The following KLRG2 variants were observed in gnomAD, a reference collection of about 807,000 sequenced individuals.
The protein encoded by KLRG2 is killer cell lectin like receptor G2.
In KLRG2, 39 loss-of-function variants were observed where a neutral mutation model predicts 35.4. That is an observed-to-expected ratio of 1.10 (90% CI 0.85 to 1.44). KLRG2 has a LOEUF of 1.44. KLRG2 is among the 40% of genes most tolerant of loss of function. KLRG2 has a pLI of 0.00. For synonymous variants in KLRG2, 283 were observed against 265.8 expected (o/e 1.06, Z -0.63); for missense variants, 632 against 570.9 (o/e 1.11, Z -1.09).
At position 139,468,938 on chromosome 7, in the gene KLRG2, G is replaced by A. The variant is rs547473800; in HGVS notation, c.1005+10689C>T. On this transcript the variant is annotated intron_variant, in intron 3 of 4. Transcript: ENST00000340940. ...CAAGAGGAGTAAATTTAGACATGCC[G>A]AGAGACACTAGAGATGGGAGGGCAC... Among the ~76,000 whole-genome samples, 19 of 152,234 alleles carry A rather than the reference G, an allele frequency of 1.2e-4. 1 individual carries two copies. The South Asian group carries it at 3.5e-3, about 28-fold the overall frequency.
At chr7:139,458,252 C>T (rs780769016) in intron 3 of KLRG2, among the ~76,000 whole-genome samples, 1 of 151,936 alleles carries the variant, frequency 6.6e-6, no homozygotes, top group East Asian at 1.9e-4. Flanking sequence ...GTGGCACGCT[C>T]CTGTACTCCC....
the KLRG2 span, among the ~76,000 whole-genome samples, chr7:139,445,781 G>GTGTGTATATATATATATATA: frequency 1.1e-3 from 109 of 98,476 alleles, 18 homozygotes; most frequent in African/African-American, 8.0e-3. Flanking sequence ...ATATATATAT[G>GTGTGTATATATATATATATA]TATATATATA....
downstream of KLRG2, among the ~76,000 whole-genome samples, chr7:139,450,199 C>T (rs531447495): frequency 6.1e-4 from 92 of 151,874 alleles, no homozygotes; most frequent in African/African-American, 2.0e-3. Flanking sequence ...CCCACCACCA[C>T]GCCTGGCTAA....
At chr7:139,433,748 G>T in the KLRG2 span, among the ~76,000 whole-genome samples, 1 of 149,166 alleles carries the variant, frequency 6.7e-6, no homozygotes, top group East Asian at 2.0e-4. Flanking sequence ...TTATTCTTCT[G>T]CCTCAGCCTC....
the KLRG2 span, among the ~76,000 whole-genome samples, chr7:139,431,414 T>G: frequency 1.4e-5 from 2 of 138,270 alleles, no homozygotes; most frequent in East Asian, 3.9e-4. Flanking sequence ...ATTGAAAATA[T>G]ATACACTTTT....
chr7:139,454,144 TGCCAGCCCTGGGGGCCTC>T lies in KLRG2; in HGVS notation c.1058_1075del (p.Arg353_Trp358del), dbSNP rs1295271549. 3.3e-5 allele frequency: 51 copies of T among 1,546,212 alleles called. No homozygotes were observed. The highest frequency in any genetic ancestry group is 1.7e-4 in the Middle Eastern group (1 of 5,934). On this transcript the variant is annotated inframe_deletion, in exon 4 of 5. Transcript: ENST00000340940. ...CGGGAGTGGGGCCTCGTCGATCCAG[TGCCAGCCCTGGGGGCCTC>T]GCCAGGCCCCCACCCAGGAGTGCCT... is the stretch of plus-strand genomic sequence containing the variant.
At chr7:139,453,785 T>A (rs1306372139) in intron 4 of KLRG2, 78 bp from the exon 5 acceptor site, 2 of 1,555,098 alleles carry the variant, frequency 1.3e-6, no homozygotes, top group Non-Finnish European at 1.8e-6. Context: ...CCCTCCAGCG[T>A]GTGTGCCTGT....
At position 139,453,456 on chromosome 7, in the gene KLRG2, T is replaced by A; in HGVS notation, c.*131A>T. The A allele has an allele frequency of 1.1e-6, 1 of 920,188 alleles. No individual in the cohort carries two copies. The highest frequency in any genetic ancestry group is 2.7e-5 in the East Asian group (1 of 37,050). The allele number at this position is 920,188 out of a possible 1,614,324, so 57.0% of individuals were successfully genotyped here. The stretch of plus-strand genomic sequence containing the variant: ...AGTCCAGCTCCTAGGCTCGCTCATG[T>A]GGCCCCCTTGAGCAGAGCATGAAGA... On this transcript the variant is annotated 3_prime_UTR_variant, in exon 5 of 5. Transcript: ENST00000340940.
the KLRG2 span, among the ~76,000 whole-genome samples, chr7:139,427,619 G>C: frequency 6.6e-6 from 1 of 152,154 alleles, no homozygotes. Flanking sequence ...TTAGCAGCTC[G>C]TGTGATTGAG....
chr7:139,455,787 G>A (rs557019000), intron 3 of KLRG2, among the ~76,000 whole-genome samples: 3 of 152,182 alleles, frequency 2.0e-5, no homozygotes, highest in African/African-American at 7.2e-5. Context: ...TCAAATGGGT[G>A]ATTTCACTGA....
At chr7:139,438,929 C>G in the KLRG2 span, among the ~76,000 whole-genome samples, 1 of 129,300 alleles carries the variant, frequency 7.7e-6, no homozygotes, top group East Asian at 2.9e-4. Context: ...CTCCCCCCCC[C>G]CACCCCGCCC....
chr7:139,455,381 G>A (rs1402038237), intron 3 of KLRG2, among the ~76,000 whole-genome samples: 1 of 148,256 alleles, frequency 6.7e-6, no homozygotes, highest in East Asian at 2.0e-4. Context: ...GAGTGCAGTG[G>A]CGCGATCTCG....
chr7:139,483,599 GC>G lies in KLRG2; in HGVS notation c.43del (p.Ala15GlnfsTer112), dbSNP rs1569418549. On this transcript the variant is annotated frameshift_variant, in exon 1 of 5. Transcript: ENST00000340940. LOFTEE classifies it high-confidence loss of function. ...WEAAPGGQAG[A>X]ELPMEPVGSL... ...TCCCACGGGCTCCATTGGGAGCTCT[GC>G]CCCGGCTTGGCCTCCGGGCGCAGCC... 1.3e-6 allele frequency: 2 copies of G among 1,588,602 alleles called. No homozygotes were observed.
the KLRG2 span, among the ~76,000 whole-genome samples, chr7:139,435,266 G>C: frequency 6.6e-6 from 1 of 152,302 alleles, no homozygotes; most frequent in East Asian, 1.9e-4. Flanking sequence ...GAGGGGAGTG[G>C]ATCACTTGAG....
the KLRG2 span, among the ~76,000 whole-genome samples, chr7:139,429,366 G>A: frequency 0.029 from 4,401 of 150,108 alleles, 227 homozygotes; most frequent in African/African-American, 0.1. Context: ...ATATATATGG[G>A]TGTTTTTCTT....
intron 4 of KLRG2, 83 bp downstream of exon 4, chr7:139,454,028 G>A: frequency 1.1e-6 from 1 of 911,818 alleles, no homozygotes; most frequent in South Asian, 1.4e-5. Flanking sequence ...TTCCAGGCTA[G>A]GGGAGCAGCA....
intron 3 of KLRG2, among the ~76,000 whole-genome samples, chr7:139,465,814 A>G (rs1184062368): frequency 6.6e-6 from 1 of 152,164 alleles, no homozygotes; most frequent in South Asian, 2.1e-4. Context: ...GGTAGCTAAA[A>G]AAGCACCTAG....
intron 3 of KLRG2, among the ~76,000 whole-genome samples, chr7:139,454,811 C>A (rs1187455600): frequency 7.0e-6 from 1 of 142,892 alleles, no homozygotes; most frequent in Non-Finnish European, 1.5e-5. Flanking sequence ...GAGGGAAATT[C>A]TATCTCAAAA....
chr7:139,451,993 G>C (rs896689694), downstream of KLRG2, among the ~76,000 whole-genome samples: 1 of 126,622 alleles, frequency 7.9e-6, no homozygotes, highest in Non-Finnish European at 1.6e-5. Context: ...TTTTGAGACA[G>C]AGTCTTGCAC....
Sources: gnomAD v4.1 joint callset for allele counts (sites outside exome capture counted in the v4.1 genomes callset) on GRCh38, gnomAD v4.1.1 for gene constraint, MANE v1.5 for transcripts, NCBI Gene and HGNC (gene_info 2026-07-23, HGNC 2026-07-21) for gene names.